Variants in BRIX1 observed in about 807,000 individuals in gnomAD.
BRIX1 encodes the protein ribosome biogenesis protein BRX1 homolog.
BRIX1 carries 15 observed loss-of-function variants against 44.0 expected under a neutral mutation model. The observed-to-expected ratio is 0.34, with a 90% CI of 0.23 to 0.53. The LOEUF is 0.53. BRIX1 is among the 20% of genes least tolerant of loss of function. The pLI is 0.95. For missense variants in BRIX1, 420 were observed against 432.8 expected (o/e 0.97, Z 0.26); for synonymous variants, 149 against 135.4 (o/e 1.10, Z -0.70).
chr5:34,919,869 T>G lies in BRIX1; in HGVS notation c.301T>G (p.Phe101Val), dbSNP rs1764203202. ...DTKMDRKDKL[F>V]VINEVCEMKN... Reference sequence around the variant, plus strand: ...TAAAATGGATCGTAAGGATAAGCTATTTGTGATTAACGAGGTAATTTTGGA... The same window carrying G: ...TAAAATGGATCGTAAGGATAAGCTAGTTGTGATTAACGAGGTAATTTTGGA... The change falls in exon 3 of 10, where the codon TTT (phenylalanine) becomes GTT (valine). Residue 101 changes from phenylalanine (F) to valine (V), a missense_variant. By Grantham distance (50) the Phe-to-Val change is conservative (BLOSUM62 -1). Coordinates refer to ENST00000336767, the MANE Select transcript of BRIX1 (RefSeq NM_018321.4). 8.4e-7 allele frequency: 1 copy of G among 1,195,964 alleles called. No homozygotes were observed. The highest frequency in any genetic ancestry group is 2.1e-5 in the Admixed American group (1 of 47,622). 74.1% of individuals were successfully genotyped at this position (1,195,964 alleles called of 1,614,324 possible).
chr5:34,918,685 AG>A (rs1471810536), intron 2 of BRIX1: 4 of 438,638 alleles, frequency 9.1e-6, no homozygotes, highest in African/African-American at 6.2e-5. Flanking sequence ...TTTTTAAAAC[AG>A]GTGTCCTAAT....
chr5:34,916,701 C>G (rs1225628196), intron 1 of BRIX1: 2 of 152,224 alleles, frequency 1.3e-5, no homozygotes, highest in African/African-American at 2.4e-5. Context: ...GTCCTCCGCA[C>G]TTAGCATAGT....
rs1357397664 is a variant in BRIX1, at chr5:34,915,768, A to C, written c.30A>C (p.Gly10=). The change falls in exon 1 of 10, where the codon GGA becomes GGC. Residue 10 remains glycine (G), a synonymous_variant. Transcript: ENST00000336767. The part of the protein sequence containing the change: MAATKRKRR[G]GFAVQAKKPK... ...CGGCAACCAAGAGGAAACGGCGTGG[A>C]GGCTTTGCAGTTCAGGCGAAGAAGC... The C allele has an allele frequency of 2.5e-6, 4 of 1,603,116 alleles. No individual in the cohort carries two copies. The South Asian group carries it at 3.4e-5, about 13-fold the overall frequency.
chr5:34,925,056 T>C (rs1421834920), intron 9 of BRIX1, 81 bp downstream of exon 9: 1 of 1,524,918 alleles, frequency 6.6e-7, no homozygotes, highest in South Asian at 1.3e-5. Flanking sequence ...ATTGCTGTTT[T>C]ATTACCTGTG....
intron 2 of BRIX1, 60 bp downstream of exon 2, chr5:34,918,535 T>C (rs1432631136): frequency 1.0e-6 from 1 of 954,448 alleles, no homozygotes; most frequent in Non-Finnish European, 1.5e-6. Context: ...TTTTTATGTT[T>C]TCACTTATTT....
At position 34,925,419 on chromosome 5, in the gene BRIX1, T is replaced by C. The variant is rs1764355879; in HGVS notation, c.986T>C (p.Leu329Ser). ...GTAAAACCAGAGCCAAAAGTTGATTTGAAAGCAAGAAAGAAACGGATTTAC... is the reference window on the plus strand; with the variant it reads ...GTAAAACCAGAGCCAAAAGTTGATTCGAAAGCAAGAAAGAAACGGATTTAC... Reference protein sequence around the residue: ...QWVKPEPKVDLKARKKRIYKR... With the variant: ...QWVKPEPKVDSKARKKRIYKR... Residue 329 changes from leucine to serine, a missense_variant, in exon 10 of 10, where the codon TTG (leucine) becomes TCG (serine). Coordinates refer to ENST00000336767, the MANE Select transcript of BRIX1 (RefSeq NM_018321.4). 3 of 1,613,740 alleles carry C rather than the reference T, an allele frequency of 1.9e-6. No homozygotes were observed. The South Asian group carries it at 3.3e-5, about 18-fold the overall frequency.
chr5:34,923,060 C>G lies in BRIX1; in HGVS notation c.561+9C>G. On this transcript the variant is annotated intron_variant, in intron 7 of 9. Coordinates refer to ENST00000336767, the MANE Select transcript of BRIX1 (RefSeq NM_018321.4). Reference sequence around the variant, plus strand: ...AAGAACTCTTAATTCAGGTAAATATCTTTAAAATTAGCTATCCAAAATATA... The same window carrying G: ...AAGAACTCTTAATTCAGGTAAATATGTTTAAAATTAGCTATCCAAAATATA... The G allele has an allele frequency of 6.4e-7, 1 of 1,562,674 alleles. No individual in the cohort carries two copies.
At chr5:34,918,911 A>G (rs1016389374) in intron 2 of BRIX1, 5 of 150,896 alleles carry the variant, frequency 3.3e-5, no homozygotes, top group African/African-American at 1.2e-4. Flanking sequence ...CTATTTCTAA[A>G]TGCCAGGTTA....
intron 3 of BRIX1, 84 bp from the exon 4 acceptor site, chr5:34,922,133 A>G: frequency 1.4e-6 from 1 of 723,424 alleles, no homozygotes; most frequent in Non-Finnish European, 2.3e-6. Context: ...TTTTGAGATA[A>G]TCTGGATGAT....
chr5:34,922,726 A>C lies in BRIX1; in HGVS notation c.468A>C (p.Gly156=). ...IHTLAELKMT[G]NCLKGSRPLL... The stretch of plus-strand genomic sequence containing the variant: ...CCCTCGCTGAACTGAAGATGACTGG[A>C]AACTGTTTGAAAGGTTCTCGGCCCC... The change falls in exon 6 of 10, where the codon GGA becomes GGC. Residue 156 remains glycine (G), a synonymous_variant. Coordinates refer to ENST00000336767, the MANE Select transcript of BRIX1 (RefSeq NM_018321.4). 2 of 1,614,044 alleles carry C rather than the reference A, an allele frequency of 1.2e-6. No individual in the cohort carries two copies. Among genetic ancestry groups the C allele is most frequent in the Non-Finnish European group, 1.7e-6 (2 of 1,179,960 alleles).
At position 34,923,008 on chromosome 5, in the gene BRIX1, A is replaced by G; in HGVS notation, c.518A>G (p.Asp173Gly). Residue 173 changes from aspartate (D) to glycine (G), a missense_variant, in exon 7 of 10, where the codon GAT (aspartate) becomes GGT (glycine). By Grantham distance (94) the Asp-to-Gly change is moderately conservative. Coordinates refer to ENST00000336767, the MANE Select transcript of BRIX1 (RefSeq NM_018321.4). Reference sequence around the variant, plus strand: ...CTTACCTTATTTTTATAGGCTTTTGATGAATTACCACATTATGCTTTGTTA... The same window carrying G: ...CTTACCTTATTTTTATAGGCTTTTGGTGAATTACCACATTATGCTTTGTTA... The part of the protein sequence containing the change: ...RPLLSFDPAF[D>G]ELPHYALLKE... 6.5e-7 allele frequency: 1 copy of G among 1,530,950 alleles called. No individual in the cohort carries two copies. Among genetic ancestry groups the G allele is most frequent in the Non-Finnish European group, 9.0e-7 (1 of 1,107,194 alleles). The allele number at this position is 1,530,950 out of a possible 1,614,324, so 94.8% of individuals were successfully genotyped here.
rs1407998439 is a variant in BRIX1, at chr5:34,915,774, T to A, written c.36T>A (p.Phe12Leu). The A allele has an allele frequency of 6.2e-7, 1 of 1,601,948 alleles. No homozygotes were observed. Among genetic ancestry groups the A allele is most frequent in the Non-Finnish European group, 8.5e-7 (1 of 1,174,318 alleles). ...CCAAGAGGAAACGGCGTGGAGGCTT[T>A]GCAGTTCAGGCGAAGAAGCCAAAAA... ...AATKRKRRGG[F>L]AVQAKKPKRN... The change falls in exon 1 of 10, where the codon TTT becomes TTA. Residue 12 changes from phenylalanine (F) to leucine (L), a missense_variant. Coordinates refer to ENST00000336767, the MANE Select transcript of BRIX1 (RefSeq NM_018321.4).
Position 34,918,441 on chromosome 5 carries a change from G to A in BRIX1, c.237G>A (p.Gln79=), listed in dbSNP as rs1397671423. 3 of 1,609,248 alleles carry A rather than the reference G, an allele frequency of 1.9e-6. No homozygotes were observed. Among genetic ancestry groups the A allele is most frequent in the Non-Finnish European group, 2.5e-6 (3 of 1,177,104 alleles). The change falls in exon 2 of 10, where the codon CAG becomes CAA. Residue 79 remains glutamine (Q), a synonymous_variant. Transcript: ENST00000336767. ...ATTTTAGAACAAGACATTTAATGCA[G>A]GACTTGAGAATGTTGATGCCTCATT... ...GINFRTRHLM[Q]DLRMLMPHSK... is the part of the protein sequence containing the mutation.
In BRIX1 at chr5:34,923,230, T is replaced by C; in HGVS notation, c.659T>C (p.Phe220Ser). ...GATAATAGGATATGGTTTCGGAACT[T>C]TCAGGTAAGCTTTACTTGATTTTTA... Reference protein sequence around the residue: ...ILDNRIWFRNFQIIEEDAALV... With the variant: ...ILDNRIWFRNSQIIEEDAALV... The change falls in exon 8 of 10, where the codon TTT (phenylalanine) becomes TCT (serine). Residue 220 changes from phenylalanine (F) to serine (S), a missense_variant. Phe to Ser is a radical substitution (Grantham distance 155). Transcript: ENST00000336767. 1 of 1,602,624 alleles carries C rather than the reference T, an allele frequency of 6.2e-7. No homozygotes were observed. The highest frequency in any genetic ancestry group is 8.5e-7 in the Non-Finnish European group (1 of 1,169,706).
At position 34,923,194 on chromosome 5, in the gene BRIX1, T is replaced by A; in HGVS notation, c.623T>A (p.Phe208Tyr). Residue 208 changes from phenylalanine to tyrosine, a missense_variant, in exon 8 of 10, where the codon TTC becomes TAC. Phe to Tyr is a conservative substitution (Grantham distance 22). Transcript: ENST00000336767. ...SQPFVDHVFT[F>Y]TILDNRIWFR... ...CCATTTGTGGACCACGTGTTTACTTTCACCATTTTGGATAATAGGATATGG... is the reference window on the plus strand; with the variant it reads ...CCATTTGTGGACCACGTGTTTACTTACACCATTTTGGATAATAGGATATGG... 1 of 1,614,184 alleles carries A rather than the reference T, an allele frequency of 6.2e-7. No individual in the cohort carries two copies. The highest frequency in any genetic ancestry group is 1.1e-5 in the South Asian group (1 of 91,082).
rs763790856 is a variant in BRIX1, at chr5:34,925,325, C to T, written c.892C>T (p.Leu298Phe). The T allele has an allele frequency of 6.2e-7, 1 of 1,613,576 alleles. No individual in the cohort carries two copies. Among genetic ancestry groups the T allele is most frequent in the Non-Finnish European group, 8.5e-7 (1 of 1,179,946 alleles). ...GAGAAAGAAAGAGCCGAAGACTCTTCTTCCACATGATCCCACTGCAGATGT... is the reference window on the plus strand; with the variant it reads ...GAGAAAGAAAGAGCCGAAGACTCTTTTTCCACATGATCCCACTGCAGATGT... ...KLRKKEPKTL[L>F]PHDPTADVFV... is the part of the protein sequence containing the mutation. The change falls in exon 10 of 10, where the codon CTT becomes TTT. Residue 298 changes from leucine to phenylalanine, a missense_variant. Transcript: ENST00000336767.
intron 9 of BRIX1, 87 bp from the exon 10 acceptor site, chr5:34,925,139 T>A: frequency 6.9e-7 from 1 of 1,451,914 alleles, no homozygotes; most frequent in Non-Finnish European, 9.1e-7. Context: ...GCTGAAAGGA[T>A]ATATGGTTCA....
In BRIX1 at chr5:34,924,484, T is replaced by G. The variant is rs1764309641; in HGVS notation, c.664-363T>G. The stretch of plus-strand genomic sequence containing the variant: ...TATAAAAACAATTTAGGGATTGATT[T>G]AAGTTTCAAGAGTTCCCCCATAATG... On this transcript the variant is annotated intron_variant, in intron 8 of 9. Transcript: ENST00000336767. 2.6e-5 allele frequency among the ~76,000 whole-genome samples: 4 copies of G among 152,222 alleles called. No homozygotes were observed. In the South Asian group the frequency reaches 8.3e-4, roughly 31 times the overall value.
At position 34,923,002 on chromosome 5, in the gene BRIX1, C is replaced by G; in HGVS notation, c.512C>G (p.Ala171Gly). The G allele has an allele frequency of 6.6e-7, 1 of 1,524,612 alleles. No individual in the cohort carries two copies. Among genetic ancestry groups the G allele is most frequent in the Non-Finnish European group, 9.1e-7 (1 of 1,101,894 alleles). The allele number at this position is 1,524,612 out of a possible 1,614,324, so 94.4% of individuals were successfully genotyped here. A position where few individuals can be genotyped will look rare whatever the true frequency, so the allele number is the denominator to read the frequency against. The change falls in exon 7 of 10, where the codon GCT becomes GGT. Residue 171 changes from alanine to glycine, a missense_variant and splice_region_variant. Physicochemically the swap from Ala to Gly is moderately conservative, Grantham distance 60. Transcript: ENST00000336767. ...AATATGCTTACCTTATTTTTATAGG[C>G]TTTTGATGAATTACCACATTATGCT... is the stretch of plus-strand genomic sequence containing the variant. ...GSRPLLSFDPAFDELPHYALL... is the reference protein window; with the variant it reads ...GSRPLLSFDPGFDELPHYALL...
Sources: allele counts gnomAD v4.1 joint callset (sites outside exome capture counted in the v4.1 genomes callset), GRCh38; gene constraint gnomAD v4.1.1; transcripts MANE v1.5; gene names NCBI Gene and HGNC (gene_info 2026-07-23, HGNC 2026-07-21).